Variants in PRKCB observed in about 807,000 individuals in gnomAD.
The protein encoded by PRKCB is protein kinase C beta type.
In PRKCB, 13 loss-of-function variants were observed where a neutral mutation model predicts 81.5. That is an observed-to-expected ratio of 0.16 (90% CI 0.10 to 0.25). The LOEUF (loss-of-function observed/expected upper bound fraction) is 0.25, where lower values mean the gene tolerates loss of function less well. Among genes scored for constraint, PRKCB ranks in the 10% least tolerant of loss-of-function variants. PRKCB has a pLI of 1.00. For missense variants in PRKCB, 509 were observed against 875.7 expected, an observed-to-expected ratio of 0.58 and a Z score of 5.29; for synonymous variants, 335 against 321.4, an observed-to-expected ratio of 1.04 and a Z score of -0.45.
intron 2 of PRKCB, among the ~76,000 whole-genome samples, chr16:23,952,090 C>T (rs961505287): frequency 9.2e-5 from 14 of 151,958 alleles, no homozygotes; most frequent in African/African-American, 3.1e-4. Flanking sequence ...TGTGTGTAAA[C>T]GTGGTATAAA....
rs1449077008 is a variant in PRKCB, at chr16:23,961,187, C to T, written c.206-27321C>T. ...TCCTCCGAAGTGCTGGGATTACAGGCGTGAGCCACTGTGCCCATCTTTCTT... is the reference window on the plus strand; with the variant it reads ...TCCTCCGAAGTGCTGGGATTACAGGTGTGAGCCACTGTGCCCATCTTTCTT... On this transcript the variant is annotated intron_variant, in intron 2 of 16. Coordinates refer to ENST00000643927, the MANE Select transcript of PRKCB (RefSeq NM_002738.7). Among the ~76,000 whole-genome samples the T allele has an allele frequency of 4.6e-5, 7 of 152,128 alleles. No individual in the cohort carries two copies. The East Asian group carries it at 9.6e-4, about 21-fold the overall frequency.
At chr16:24,048,513 CAG>C (rs1468569758) in intron 5 of PRKCB, among the ~76,000 whole-genome samples, 6 of 147,424 alleles carry the variant, frequency 4.1e-5, no homozygotes, top group African/African-American at 1.5e-4. Context: ...TTTTTTATAA[CAG>C]AGTCTCACTC....
At position 24,220,224 on chromosome 16, in the gene PRKCB, G is replaced by T; in HGVS notation, c.*5408G>T. ...TGCACATGCTGGCATTCAACATGTG[G>T]AAAGCTTGTCTTAGAGGGCTTTTCT... On this transcript the variant is annotated 3_prime_UTR_variant, in exon 17 of 17. Coordinates refer to ENST00000643927, the MANE Select transcript of PRKCB (RefSeq NM_002738.7). The T allele has an allele frequency of 7.4e-7, 1 of 1,359,676 alleles. No homozygotes were observed. 84.2% of individuals were successfully genotyped at this position (1,359,676 alleles called of 1,614,324 possible).
At chr16:23,987,298 G>A (rs572138088) in intron 2 of PRKCB, among the ~76,000 whole-genome samples, 43 of 150,188 alleles carry the variant, frequency 2.9e-4, no homozygotes, top group East Asian at 9.9e-4. Context: ...TACGTTTCTC[G>A]TCCTATTTTC....
intron 5 of PRKCB, among the ~76,000 whole-genome samples, chr16:24,092,550 T>C (rs1966388766): frequency 6.6e-6 from 1 of 152,206 alleles, no homozygotes; most frequent in Admixed American, 6.5e-5. Flanking sequence ...ACAGTTAATC[T>C]TGGTATGGGA....
intron 2 of PRKCB, among the ~76,000 whole-genome samples, chr16:23,959,563 G>A (rs761515036): frequency 3.3e-5 from 5 of 152,194 alleles, no homozygotes; most frequent in Admixed American, 6.5e-5. Flanking sequence ...TTGCTAAATC[G>A]AGGACTTCTG....
At chr16:23,874,169 TC>T (rs1962957106) in intron 2 of PRKCB, among the ~76,000 whole-genome samples, 1 of 152,248 alleles carries the variant, frequency 6.6e-6, no homozygotes. Context: ...TGTCTGTCTT[TC>T]CGTGTCAGAA....
chr16:23,939,181 C>T (rs1214661135), intron 2 of PRKCB, among the ~76,000 whole-genome samples: 1 of 152,122 alleles, frequency 6.6e-6, no homozygotes, highest in Non-Finnish European at 1.5e-5. Flanking sequence ...TCCAACAAAA[C>T]ATTTGCAGGA....
intron 9 of PRKCB, among the ~76,000 whole-genome samples, chr16:24,147,958 C>A (rs1254474239): frequency 6.6e-6 from 1 of 152,076 alleles, no homozygotes; most frequent in Non-Finnish European, 1.5e-5. Context: ...AAACACTAGG[C>A]CTTTGAGTAT....
intron 5 of PRKCB, among the ~76,000 whole-genome samples, chr16:24,091,871 T>G (rs1966381199): frequency 6.6e-6 from 1 of 152,200 alleles, no homozygotes; most frequent in Admixed American, 6.5e-5. Flanking sequence ...AGCTGAGCTC[T>G]AATGCTGCTG....
At chr16:23,891,407 G>C (rs767224928) in intron 2 of PRKCB, among the ~76,000 whole-genome samples, 5 of 152,016 alleles carry the variant, frequency 3.3e-5, no homozygotes, top group Non-Finnish European at 7.4e-5. Context: ...GAAATTATGA[G>C]TGATGTGTGT....
At chr16:24,031,363 G>C (rs1424644329) in intron 3 of PRKCB, among the ~76,000 whole-genome samples, 1 of 152,190 alleles carries the variant, frequency 6.6e-6, no homozygotes, top group Admixed American at 6.5e-5. Flanking sequence ...TTGGGTCCAG[G>C]ACAGTCACTT....
At chr16:23,885,551 C>T (rs1400179973) in intron 2 of PRKCB, among the ~76,000 whole-genome samples, 1 of 152,158 alleles carries the variant, frequency 6.6e-6, no homozygotes, top group Non-Finnish European at 1.5e-5. Context: ...TAGTGATCTA[C>T]CTGCCTTGGC....
At chr16:24,095,036 C>A (rs989795069) in intron 7 of PRKCB, among the ~76,000 whole-genome samples, 2 of 152,080 alleles carry the variant, frequency 1.3e-5, no homozygotes, top group African/African-American at 4.8e-5. Context: ...AGTTAATGCC[C>A]CCTTTAGACA....
chr16:23,960,013 G>A (rs1964403550), intron 2 of PRKCB, among the ~76,000 whole-genome samples: 1 of 152,128 alleles, frequency 6.6e-6, no homozygotes, highest in Non-Finnish European at 1.5e-5. Context: ...GTTCACCTGA[G>A]GGCTTGCTCT....
At chr16:23,879,736 C>T (rs1003972518) in intron 2 of PRKCB, among the ~76,000 whole-genome samples, 4 of 152,032 alleles carry the variant, frequency 2.6e-5, no homozygotes, top group African/African-American at 7.2e-5. Flanking sequence ...TCAAGTGATC[C>T]GCCCGCCTCG....
intron 5 of PRKCB, among the ~76,000 whole-genome samples, chr16:24,077,166 T>G (rs780597434): frequency 1.3e-5 from 2 of 151,876 alleles, no homozygotes; most frequent in Non-Finnish European, 2.9e-5. Flanking sequence ...TTTGGAAGTA[T>G]TTTGAAGATG....
chr16:23,914,732 C>T (rs901792950), intron 2 of PRKCB, among the ~76,000 whole-genome samples: 14 of 152,262 alleles, frequency 9.2e-5, no homozygotes, highest in South Asian at 4.2e-4. Context: ...TGTGCCCAAT[C>T]GATTTCACTC....
chr16:23,945,813 C>G (rs1159591223), intron 2 of PRKCB, among the ~76,000 whole-genome samples: 1 of 152,200 alleles, frequency 6.6e-6, no homozygotes, highest in Admixed American at 6.5e-5. Context: ...GTGCTTGCCA[C>G]TGGTCAGTTT....
Sources: allele counts gnomAD v4.1 joint callset (sites outside exome capture counted in the v4.1 genomes callset), GRCh38; gene constraint gnomAD v4.1.1; transcripts MANE v1.5; gene names NCBI Gene and HGNC (gene_info 2026-07-23, HGNC 2026-07-21).